CSMD1: variants seen among roughly 807,000 people sequenced by gnomAD.
CSMD1 encodes the protein CUB and Sushi multiple domains 1, also known as CUB and sushi domain-containing protein 1.
Under a neutral mutation model 417.5 loss-of-function variants are expected in CSMD1, and 213 were observed. The ratio of observed to expected loss-of-function variants is 0.51; its 90% CI spans 0.46 to 0.57. The LOEUF is 0.57. Ranked by LOEUF, CSMD1 falls within the 20% of genes least tolerant of loss-of-function variation. The pLI, the probability that CSMD1 is intolerant of heterozygous loss-of-function variation, is 0.00. For synonymous variants in CSMD1, 2,862 were observed against 1,736.8 expected (o/e 1.65, Z -16.11); for missense variants, 6,923 against 4,529.7 (o/e 1.53, Z -15.17).
At chr8:3,752,668 C>A (rs1445863309) in intron 6 of CSMD1, among the ~76,000 whole-genome samples, 2 of 129,770 alleles carry the variant, frequency 1.5e-5, no homozygotes, top group Non-Finnish European at 3.2e-5. Flanking sequence ...CACCCACTCC[C>A]CGCCTGGCAA....
chr8:4,553,439 A>ATTT lies in CSMD1; in HGVS notation c.302+83900_302+83902dup, dbSNP rs34779117. Among the ~76,000 whole-genome samples the ATTT allele has an allele frequency of 2.9e-3, 411 of 139,470 alleles. 5 individuals carry two copies. Among genetic ancestry groups the ATTT allele is most frequent in the African/African-American group, 9.9e-3 (374 of 37,936 alleles). The allele number at this position is 139,470 out of a possible 152,430, so 91.5% of individuals were successfully genotyped here. ...ACAGGCATTTATAAACTGAAAAAGA[A>ATTT]TTTTTTTTTTTTTTTTTTTACAAAT... On this transcript the variant is annotated intron_variant, in intron 2 of 69. Coordinates refer to ENST00000635120, the MANE Select transcript of CSMD1 (RefSeq NM_033225.6).
At chr8:4,816,087 T>A (rs528119566) in intron 1 of CSMD1, among the ~76,000 whole-genome samples, 15 of 152,156 alleles carry the variant, frequency 9.9e-5, no homozygotes, top group Non-Finnish European at 1.9e-4. Flanking sequence ...GGAGCAGAAC[T>A]GGGCAGAATG....
At chr8:4,150,880 G>A (rs1031131426) in intron 3 of CSMD1, among the ~76,000 whole-genome samples, 6 of 23,632 alleles carry the variant, frequency 2.5e-4, no homozygotes, top group African/African-American at 7.2e-4. Context: ...ATGTCCTGCT[G>A]AGAAACGCCT....
intron 3 of CSMD1, among the ~76,000 whole-genome samples, chr8:4,333,765 G>T (rs911575299): frequency 6.6e-6 from 1 of 152,116 alleles, no homozygotes; most frequent in African/African-American, 2.4e-5. Flanking sequence ...GCCACGGGTA[G>T]GTAGCCTTGA....
At chr8:3,638,916 C>T (rs976443532) in intron 7 of CSMD1, among the ~76,000 whole-genome samples, 1 of 152,094 alleles carries the variant, frequency 6.6e-6, no homozygotes, top group Non-Finnish European at 1.5e-5. Context: ...TCCGAATAGC[C>T]TGATATTTAT....
intron 17 of CSMD1, among the ~76,000 whole-genome samples, chr8:3,391,687 C>A (rs897520338): frequency 3.9e-5 from 6 of 152,194 alleles, no homozygotes; most frequent in African/African-American, 1.4e-4. Context: ...GAAAGGCCTT[C>A]TGGAGTGAAT....
At chr8:4,968,605 G>C (rs1359413249) in intron 1 of CSMD1, among the ~76,000 whole-genome samples, 3 of 152,006 alleles carry the variant, frequency 2.0e-5, no homozygotes, top group Non-Finnish European at 4.4e-5. Context: ...AATCAGACCA[G>C]TTTCTCTCCC....
intron 3 of CSMD1, among the ~76,000 whole-genome samples, chr8:4,138,117 G>T (rs139457643): frequency 8.7e-5 from 6 of 69,054 alleles, no homozygotes; most frequent in African/African-American, 2.3e-4. Flanking sequence ...CGGTTTCACC[G>T]TGTTACCCAG....
intron 26 of CSMD1, among the ~76,000 whole-genome samples, chr8:3,266,277 G>T (rs932150034): frequency 6.6e-6 from 1 of 151,304 alleles, no homozygotes; most frequent in Admixed American, 6.6e-5. Flanking sequence ...AAGGCGGAAA[G>T]GCAGTAGCAC....
At chr8:3,925,628 A>T (rs867123835) in intron 5 of CSMD1, among the ~76,000 whole-genome samples, 1 of 152,014 alleles carries the variant, frequency 6.6e-6, no homozygotes, top group Admixed American at 6.6e-5. Context: ...AATAAGTCTC[A>T]TGAGATCTGA....
At chr8:4,796,030 G>C (rs767575341) in intron 1 of CSMD1, among the ~76,000 whole-genome samples, 1 of 152,088 alleles carries the variant, frequency 6.6e-6, no homozygotes, top group African/African-American at 2.4e-5. Flanking sequence ...CAAGGCTTCA[G>C]GTATTTAAAA....
chr8:3,643,128 A>C (rs1020196199), intron 7 of CSMD1, among the ~76,000 whole-genome samples: 1 of 152,118 alleles, frequency 6.6e-6, no homozygotes, highest in Admixed American at 6.5e-5. Context: ...ACAATTTAAC[A>C]GTCAGGGAAA....
chr8:4,446,197 T>C (rs1370810714), intron 2 of CSMD1, among the ~76,000 whole-genome samples: 1 of 152,184 alleles, frequency 6.6e-6, no homozygotes, highest in African/African-American at 2.4e-5. Context: ...CAAAAGACAT[T>C]TTGTTTTTTC....
chr8:4,818,765 C>G (rs1799352746), intron 1 of CSMD1, among the ~76,000 whole-genome samples: 1 of 152,202 alleles, frequency 6.6e-6, no homozygotes, highest in Admixed American at 6.5e-5. Context: ...ATAATAGCTA[C>G]ACATCGCTTG....
At chr8:4,417,014 A>C (rs1480875000) in intron 3 of CSMD1, among the ~76,000 whole-genome samples, 1 of 152,078 alleles carries the variant, frequency 6.6e-6, no homozygotes, top group Admixed American at 6.6e-5. Flanking sequence ...ATTAAGACTA[A>C]TGTCCAAGTA....
At chr8:3,048,632 A>C (rs909902443) in intron 50 of CSMD1, among the ~76,000 whole-genome samples, 5 of 152,228 alleles carry the variant, frequency 3.3e-5, no homozygotes, top group African/African-American at 4.8e-5. Context: ...ATAAACTCCT[A>C]GAAGATAACA....
chr8:4,489,077 A>T (rs942641763), intron 2 of CSMD1, among the ~76,000 whole-genome samples: 4 of 152,016 alleles, frequency 2.6e-5, no homozygotes, highest in Non-Finnish European at 5.9e-5. Flanking sequence ...CACACAGCTA[A>T]TTTTTTGTAT....
At chr8:4,109,141 T>C (rs969822895) in intron 3 of CSMD1, among the ~76,000 whole-genome samples, 9 of 152,240 alleles carry the variant, frequency 5.9e-5, no homozygotes, top group East Asian at 1.9e-4. Flanking sequence ...CCTAATACAA[T>C]GTAAATGCTA....
At chr8:3,136,254 C>CTTT (rs1158324400) in intron 41 of CSMD1, among the ~76,000 whole-genome samples, 1 of 129,568 alleles carries the variant, frequency 7.7e-6, no homozygotes, top group Admixed American at 7.7e-5. Context: ...TTTTTTTTTT[C>CTTT]TTTTTTTTTT....
Sources: allele counts gnomAD v4.1 joint callset (sites outside exome capture counted in the v4.1 genomes callset), GRCh38; gene constraint gnomAD v4.1.1; transcripts MANE v1.5; gene names NCBI Gene and HGNC (gene_info 2026-07-23, HGNC 2026-07-21).